The following PIAS1 variants were observed in gnomAD, a reference collection of about 807,000 sequenced individuals.
PIAS1 encodes protein inhibitor of activated STAT 1, also known as E3 SUMO-protein ligase PIAS1.
A neutral mutation model predicts 71.3 loss-of-function variants in PIAS1; 6 were observed. The ratio of observed to expected loss-of-function variants is 0.08; its 90% CI spans 0.05 to 0.17. The LOEUF is 0.17. Among genes scored for constraint, PIAS1 ranks in the 10% least tolerant of loss-of-function variants. PIAS1 has a pLI of 1.00. For synonymous variants in PIAS1, 303 were observed against 292.9 expected, an observed-to-expected ratio of 1.03 and a Z score of -0.35; for missense variants, 555 against 793.6, an observed-to-expected ratio of 0.70 and a Z score of 3.61.
chr15:68,097,602 T>C (rs537221746), intron 2 of PIAS1, among the ~76,000 whole-genome samples: 16 of 152,160 alleles, frequency 1.1e-4, no homozygotes, highest in East Asian at 7.7e-4. Flanking sequence ...CCATCTAATT[T>C]TTGTATTTTT....
Position 68,187,917 on chromosome 15 carries a change from CT to C in PIAS1, c.*84del. 7.7e-7 allele frequency: 1 copy of C among 1,306,708 alleles called. No individual in the cohort carries two copies. The highest frequency in any genetic ancestry group is 1.1e-6 in the Non-Finnish European group (1 of 943,736). 80.9% of individuals were successfully genotyped at this position (1,306,708 alleles called of 1,614,324 possible). On this transcript the variant is annotated 3_prime_UTR_variant, in exon 14 of 14. Transcript: ENST00000249636. The surrounding 1 kb of genome is among the most constrained non-coding windows in gnomAD (Gnocchi z 5.3). ...AAGAGAACTTTGTGCTCTGTTTTAC[CT>C]TACTCTGTTTAGAAAAGTATACAAG...
At chr15:68,137,320 C>T (rs2092740527) in intron 2 of PIAS1, among the ~76,000 whole-genome samples, 1 of 151,872 alleles carries the variant, frequency 6.6e-6, no homozygotes, top group African/African-American at 2.4e-5. Context: ...TCATATGTCC[C>T]CTGAGAGAAT....
intron 1 of PIAS1, among the ~76,000 whole-genome samples, chr15:68,081,518 GAGA>G (rs1364901123): frequency 6.6e-6 from 1 of 152,000 alleles, no homozygotes; most frequent in Non-Finnish European, 1.5e-5. Context: ...CCAGTGTAGG[GAGA>G]AGAAGAAAAC....
At chr15:68,125,288 A>G (rs1446987954) in intron 2 of PIAS1, among the ~76,000 whole-genome samples, 1 of 152,108 alleles carries the variant, frequency 6.6e-6, no homozygotes, top group Non-Finnish European at 1.5e-5. Context: ...TTCATGTTCT[A>G]TGAGAATTCC....
intron 1 of PIAS1, among the ~76,000 whole-genome samples, chr15:68,073,306 C>T (rs749063676): frequency 1.6e-4 from 24 of 152,070 alleles, no homozygotes; most frequent in African/African-American, 4.3e-4. Flanking sequence ...TGTGAGCCAC[C>T]GTGCCCGGCG....
chr15:68,071,409 G>T (rs560647506), intron 1 of PIAS1, among the ~76,000 whole-genome samples: 34 of 150,474 alleles, frequency 2.3e-4, no homozygotes, highest in African/African-American at 8.3e-4. Context: ...TAGAGACGGG[G>T]TTTCACCATG....
At position 68,167,738 on chromosome 15, in the gene PIAS1, C is replaced by T. The variant is rs1367172480; in HGVS notation, c.1008+2934C>T. ...GTTTTGTTTTTGAGACAGAGTTTTG[C>T]TCTGTCACCCAGGCTGGAGTACAGT... On this transcript the variant is annotated intron_variant, in intron 8 of 13. Coordinates refer to ENST00000249636, the MANE Select transcript of PIAS1 (RefSeq NM_016166.3). The surrounding 1 kb of genome is among the most constrained non-coding windows in gnomAD (Gnocchi z 4.4). Among the ~76,000 whole-genome samples, 1 of 152,138 alleles carries T rather than the reference C, an allele frequency of 6.6e-6. No individual in the cohort carries two copies. Among genetic ancestry groups the T allele is most frequent in the Non-Finnish European group, 1.5e-5 (1 of 68,026 alleles).
chr15:68,080,375 C>A (rs2092217628), intron 1 of PIAS1, among the ~76,000 whole-genome samples: 1 of 151,994 alleles, frequency 6.6e-6, no homozygotes, highest in Admixed American at 6.6e-5. Context: ...TAAGATGGAC[C>A]TGGAGAGGTG....
intron 1 of PIAS1, among the ~76,000 whole-genome samples, chr15:68,062,616 G>A (rs184547094): frequency 8.6e-4 from 131 of 152,248 alleles, no homozygotes; most frequent in Admixed American, 2.4e-3. Context: ...AATATAAATG[G>A]AATAAAAATA....
intron 2 of PIAS1, among the ~76,000 whole-genome samples, chr15:68,127,640 C>G (rs972476602): frequency 6.6e-6 from 1 of 152,072 alleles, no homozygotes; most frequent in African/African-American, 2.4e-5. Context: ...AACAGGCAAG[C>G]AAAGAAAAAT....
At chr15:68,121,634 C>G (rs1567051349) in intron 2 of PIAS1, among the ~76,000 whole-genome samples, 1 of 151,828 alleles carries the variant, frequency 6.6e-6, no homozygotes. Context: ...GTTTTGATTC[C>G]ACAGGGTATT....
chr15:68,187,705 G>A lies in PIAS1; in HGVS notation c.1826G>A (p.Ser609Asn), dbSNP rs757777994. ...CTGCCAACCACCAATGGAAGCAGTA[G>A]TGGCAGTAACAGCAGCCTGGTTTCT... is the stretch of plus-strand genomic sequence containing the variant. Reference protein sequence around the residue: ...TSLPTTNGSSSGSNSSLVSSN... With the variant: ...TSLPTTNGSSNGSNSSLVSSN... The change falls in exon 14 of 14, where the codon AGT becomes AAT. Residue 609 changes from serine (S) to asparagine (N), a missense_variant. Transcript: ENST00000249636. This position sits in a 1 kb window ranked among gnomAD's most constrained non-coding sequence, Gnocchi z 5.3. 1.7e-5 allele frequency: 28 copies of A among 1,613,890 alleles called. No individual in the cohort carries two copies. In the Admixed American group the frequency reaches 4.2e-4, roughly 24 times the overall value.
chr15:68,057,440 T>C (rs2091908880), intron 1 of PIAS1: 1 of 414,904 alleles, frequency 2.4e-6, no homozygotes, highest in South Asian at 1.8e-5. Context: ...TTTTTTGGAG[T>C]AAAACTCAAA....
At chr15:68,155,287 G>A (rs1039788271) in intron 7 of PIAS1, among the ~76,000 whole-genome samples, 3 of 151,942 alleles carry the variant, frequency 2.0e-5, no homozygotes, top group Non-Finnish European at 4.4e-5. Context: ...TGATGGATGT[G>A]GAGAATAATT....
Position 68,190,406 on chromosome 15 carries a change from A to G in PIAS1, c.*2571A>G, listed in dbSNP as rs1185152947. On this transcript the variant is annotated 3_prime_UTR_variant, in exon 14 of 14. Transcript: ENST00000249636. This position sits in a 1 kb window ranked among gnomAD's most constrained non-coding sequence, Gnocchi z 4.7. Reference sequence around the variant, plus strand: ...TATCAATCAGACTTTCATGATCTCTACTAATTATTAGTAGAGTCCTGTACT... The same window carrying G: ...TATCAATCAGACTTTCATGATCTCTGCTAATTATTAGTAGAGTCCTGTACT... 6.6e-6 allele frequency: 1 copy of G among 152,162 alleles called. No homozygotes were observed. The highest frequency in any genetic ancestry group is 2.4e-5 in the African/African-American group (1 of 41,436). The allele number at this position is 152,162 out of a possible 1,614,324, so 9.4% of individuals were successfully genotyped here.
intron 1 of PIAS1, among the ~76,000 whole-genome samples, chr15:68,063,508 T>C (rs1323920219): frequency 6.6e-6 from 1 of 152,210 alleles, no homozygotes; most frequent in African/African-American, 2.4e-5. Flanking sequence ...TAAAGAATTA[T>C]TTATCACATT....
chr15:68,151,683 A>AACACAC lies in PIAS1; in HGVS notation c.829-1887_829-1882dup, dbSNP rs754171390. Among the ~76,000 whole-genome samples the AACACAC allele has an allele frequency of 4.6e-3, 617 of 134,840 alleles. 6 individuals carry two copies. The highest frequency in any genetic ancestry group is 0.016 in the African/African-American group (557 of 35,934). 88.5% of individuals were successfully genotyped at this position (134,840 alleles called of 152,430 possible). A position where few individuals can be genotyped will look rare whatever the true frequency, so the allele number is the denominator to read the frequency against. On this transcript the variant is annotated intron_variant, in intron 6 of 13. Transcript: ENST00000249636. ...AAAAACAAAAAAAACAAAAAAACAA[A>AACACAC]ACACACACACACACACACACACACA...
intron 1 of PIAS1, among the ~76,000 whole-genome samples, chr15:68,071,735 T>TG (rs1020344660): frequency 1.3e-5 from 2 of 151,246 alleles, no homozygotes; most frequent in East Asian, 4.0e-4. Context: ...GAGGCTGACG[T>TG]GGGGCGGAAC....
intron 2 of PIAS1, among the ~76,000 whole-genome samples, chr15:68,111,270 A>G (rs776623479): frequency 2.0e-5 from 3 of 152,156 alleles, no homozygotes; most frequent in Admixed American, 6.5e-5. Flanking sequence ...GGTCAGAGGT[A>G]AGGGTTGGCA....
Sources: allele counts gnomAD v4.1 joint callset (sites outside exome capture counted in the v4.1 genomes callset), GRCh38; gene constraint gnomAD v4.1.1; non-coding constraint Gnocchi (gnomAD v3.1); transcripts MANE v1.5; gene names NCBI Gene and HGNC (gene_info 2026-07-23, HGNC 2026-07-21).